The following TNRC18 variants were observed in gnomAD, a reference collection of about 807,000 sequenced individuals.
The protein encoded by TNRC18 is trinucleotide repeat-containing gene 18 protein.
A neutral mutation model predicts 226.7 loss-of-function variants in TNRC18; 69 were observed. The ratio of observed to expected loss-of-function variants is 0.30; its 90% CI spans 0.25 to 0.37. The LOEUF (loss-of-function observed/expected upper bound fraction) is 0.37, where lower values mean the gene tolerates loss of function less well. TNRC18 is among the 10% of genes least tolerant of loss of function. The probability of loss-of-function intolerance (pLI) is 1.00; values close to 1 mark genes in which losing one functional copy is unlikely to be tolerated. For synonymous variants in TNRC18, 2,449 were observed against 1,927.6 expected (o/e 1.27, Z -7.09); for missense variants, 4,754 against 4,256.6 (o/e 1.12, Z -3.25).
In TNRC18 at chr7:5,309,294, G is replaced by A. The variant is rs187756573; in HGVS notation, c.8463C>T (p.Ile2821=). ...AIVRGKEMIR[I]GDCAVFLSAG... ...CAGAGAGGAACACGGCACAGTCCCCGATACGGATCATCTCCTTGCCGCGCA... is the reference window on the plus strand; with the variant it reads ...CAGAGAGGAACACGGCACAGTCCCCAATACGGATCATCTCCTTGCCGCGCA... The change falls in exon 28 of 30, where the codon ATC becomes ATT. Residue 2821 remains isoleucine (I), a synonymous_variant. Transcript: ENST00000430969. The surrounding 1 kb of genome is among the most constrained non-coding windows in gnomAD (Gnocchi z 5.7). The A allele has an allele frequency of 4.8e-5, 78 of 1,613,876 alleles. No individual in the cohort carries two copies. The highest frequency in any genetic ancestry group is 8.9e-5 in the East Asian group (4 of 44,878).
At chr7:5,419,308 T>C (rs1353185953) in intron 2 of TNRC18, among the ~76,000 whole-genome samples, 1 of 152,152 alleles carries the variant, frequency 6.6e-6, no homozygotes, top group East Asian at 1.9e-4. Flanking sequence ...CGGAGCCAGA[T>C]CGCAGGCGGG....
chr7:5,379,031 T>TAAAAA (rs968998109), intron 5 of TNRC18, among the ~76,000 whole-genome samples: 1 of 150,722 alleles, frequency 6.6e-6, no homozygotes, highest in Non-Finnish European at 1.5e-5. Flanking sequence ...CCGTCTCTAC[T>TAAAAA]AAAAAAAATA....
intron 2 of TNRC18, among the ~76,000 whole-genome samples, chr7:5,409,524 G>A (rs2128217475): frequency 6.6e-6 from 1 of 151,660 alleles, no homozygotes; most frequent in East Asian, 2.0e-4. Flanking sequence ...TTGAGCTCAA[G>A]GTTGCAGTGA....
In TNRC18 at chr7:5,324,975, CCT is replaced by C; in HGVS notation, c.6300+119_6300+120del. On this transcript the variant is annotated intron_variant, in intron 20 of 29. Transcript: ENST00000430969. This position sits in a 1 kb window ranked among gnomAD's most constrained non-coding sequence, Gnocchi z 4.8. Reference sequence around the variant, plus strand: ...GCCACATCACCCTCGTCACCCGCAACCTCTCTGAGCCACAGCTATAGGGAGGG... The same window carrying C: ...GCCACATCACCCTCGTCACCCGCAACCTCTGAGCCACAGCTATAGGGAGGG... 8.1e-7 allele frequency: 1 copy of C among 1,240,648 alleles called. No homozygotes were observed. The highest frequency in any genetic ancestry group is 1.5e-5 in the African/African-American group (1 of 65,026). The allele number at this position is 1,240,648 out of a possible 1,614,324, so 76.9% of individuals were successfully genotyped here.
intron 2 of TNRC18, among the ~76,000 whole-genome samples, chr7:5,412,140 G>A (rs193274360): frequency 9.8e-4 from 146 of 148,970 alleles, no homozygotes; most frequent in African/African-American, 3.3e-3. Flanking sequence ...AGTGAGCCAC[G>A]AGAATGCCAC....
intron 2 of TNRC18, among the ~76,000 whole-genome samples, chr7:5,405,988 T>C (rs899164990): frequency 2.0e-5 from 3 of 152,186 alleles, no homozygotes; most frequent in African/African-American, 7.2e-5. Context: ...GCAGCACTAT[T>C]CACAACAGTC....
intron 18 of TNRC18, among the ~76,000 whole-genome samples, chr7:5,333,628 G>C (rs1402318277): frequency 6.7e-6 from 1 of 149,648 alleles, no homozygotes; most frequent in African/African-American, 2.4e-5. Flanking sequence ...CTGGGTCCCA[G>C]CTCCCGGGCT....
In TNRC18 at chr7:5,390,641, A is replaced by G; in HGVS notation, c.344-13T>C. Reference sequence around the variant, plus strand: ...AGGTGGGAGAAGCCTGTAACAGAAAAGAGAAAAGCTGGGCTGGGCCAATTC... The same window carrying G: ...AGGTGGGAGAAGCCTGTAACAGAAAGGAGAAAAGCTGGGCTGGGCCAATTC... On this transcript the variant is annotated splice_polypyrimidine_tract_variant and intron_variant, in intron 3 of 29. Transcript: ENST00000430969. 1 of 1,532,688 alleles carries G rather than the reference A, an allele frequency of 6.5e-7. No individual in the cohort carries two copies. Among genetic ancestry groups the G allele is most frequent in the South Asian group, 1.3e-5 (1 of 79,598 alleles). 94.9% of individuals were successfully genotyped at this position (1,532,688 alleles called of 1,614,324 possible). A position where few individuals can be genotyped will look rare whatever the true frequency, so the allele number is the denominator to read the frequency against.
rs553206605 is a variant in TNRC18 at position 5,335,142 on chromosome 7, A to G, written c.5720-2093T>C. Among the ~76,000 whole-genome samples, 4 of 151,778 alleles carry G rather than the reference A, an allele frequency of 2.6e-5. No individual in the cohort carries two copies. In the East Asian group the frequency reaches 7.8e-4, roughly 30 times the overall value. On this transcript the variant is annotated intron_variant, in intron 18 of 29. Coordinates refer to ENST00000430969, the MANE Select transcript of TNRC18 (RefSeq NM_001080495.3). ...CATGGTGAGAAACCTGTCTCTGCTA[A>G]AAATACAAAAATTAGCCGGGCATGG...
chr7:5,422,286 G>C (rs1782631696), intron 1 of TNRC18, among the ~76,000 whole-genome samples: 1 of 152,118 alleles, frequency 6.6e-6, no homozygotes, highest in African/African-American at 2.4e-5. Flanking sequence ...GGGATGTCAA[G>C]AGGGGAAGGA....
chr7:5,377,361 C>T lies in TNRC18; in HGVS notation c.2461+10G>A. The T allele has an allele frequency of 6.5e-7, 1 of 1,546,676 alleles. No individual in the cohort carries two copies. The highest frequency in any genetic ancestry group is 8.7e-7 in the Non-Finnish European group (1 of 1,143,882). ...CAGAGAAGGGGAGAGACCCTGTGCC[C>T]CACACTCACCGTAGGGGTGTCCAGC... is the stretch of plus-strand genomic sequence containing the variant. On this transcript the variant is annotated intron_variant, in intron 7 of 29. Transcript: ENST00000430969. The surrounding 1 kb of genome is among the most constrained non-coding windows in gnomAD (Gnocchi z 5.8).
intron 16 of TNRC18, 144 bp from the exon 17 acceptor site, chr7:5,352,238 G>C: frequency 1.2e-6 from 1 of 855,482 alleles, no homozygotes; most frequent in Non-Finnish European, 1.8e-6. Flanking sequence ...CCGTACAAAG[G>C]CCTTGCCCCA....
In TNRC18 at chr7:5,345,572, C is replaced by G; in HGVS notation, c.5709G>C (p.Gln1903His). ...CCTGCTGCCACTTACCCAGCAGGCTCTGCCGCTCCTCTTTCTTCCGGGCCT... is the reference window on the plus strand; with the variant it reads ...CCTGCTGCCACTTACCCAGCAGGCTGTGCCGCTCCTCTTTCTTCCGGGCCT... Reference protein sequence around the residue: ...KQKARKKEERQSLLGTEFEYT... With the variant: ...KQKARKKEERHSLLGTEFEYT... The change falls in exon 18 of 30, where the codon CAG becomes CAC. Residue 1903 changes from glutamine to histidine, a missense_variant. Gln to His is a conservative substitution (Grantham distance 24). Coordinates refer to ENST00000430969, the MANE Select transcript of TNRC18 (RefSeq NM_001080495.3). 1 of 1,521,928 alleles carries G rather than the reference C, an allele frequency of 6.6e-7. No individual in the cohort carries two copies. The highest frequency in any genetic ancestry group is 8.8e-7 in the Non-Finnish European group (1 of 1,130,668). The allele number at this position is 1,521,928 out of a possible 1,614,324, so 94.3% of individuals were successfully genotyped here. A position where few individuals can be genotyped will look rare whatever the true frequency, so the allele number is the denominator to read the frequency against.
intron 19 of TNRC18, among the ~76,000 whole-genome samples, chr7:5,327,372 C>CGTGTGTGT (rs5882054): frequency 3.2e-4 from 45 of 142,808 alleles, no homozygotes; most frequent in African/African-American, 6.6e-4. Flanking sequence ...TGTGTTTGTG[C>CGTGTGTGT]GTGTGTGTGT....
At chr7:5,326,800 C>T (rs1345890110) in intron 19 of TNRC18, among the ~76,000 whole-genome samples, 1 of 150,564 alleles carries the variant, frequency 6.6e-6, no homozygotes, top group Admixed American at 6.6e-5. Context: ...AAGAGCAAAA[C>T]TCCGTCTCAA....
chr7:5,337,481 CAA>C (rs35118676), intron 18 of TNRC18, among the ~76,000 whole-genome samples: 1 of 140,740 alleles, frequency 7.1e-6, no homozygotes, highest in African/African-American at 2.7e-5. Flanking sequence ...GAGACTGTTT[CAA>C]AAAAAAAAAA....
At chr7:5,320,205 T>C (rs774918528) in intron 24 of TNRC18, 113 bp downstream of exon 24, 79 of 803,154 alleles carry the variant, frequency 9.8e-5, no homozygotes, top group Non-Finnish European at 1.6e-4. Context: ...TTTTCAGTTA[T>C]GTGAGCCCAC....
chr7:5,323,513 C>T (rs1246083584), intron 21 of TNRC18, among the ~76,000 whole-genome samples: 1 of 151,714 alleles, frequency 6.6e-6, no homozygotes, highest in East Asian at 1.9e-4. Context: ...AGCCTCCTAA[C>T]TGGACTCCCT....
At chr7:5,411,323 T>C (rs1018730581) in intron 2 of TNRC18, among the ~76,000 whole-genome samples, 4 of 150,428 alleles carry the variant, frequency 2.7e-5, no homozygotes, top group African/African-American at 7.4e-5. Context: ...AAAGTAGCAG[T>C]CGAATATGGA....
Sources: allele counts gnomAD v4.1 joint callset (sites outside exome capture counted in the v4.1 genomes callset), GRCh38; gene constraint gnomAD v4.1.1; non-coding constraint Gnocchi (gnomAD v3.1); transcripts MANE v1.5; gene names NCBI Gene and HGNC (gene_info 2026-07-23, HGNC 2026-07-21).